CFAP95: variants seen among roughly 807,000 people sequenced by gnomAD.
CFAP95 encodes cilia and flagella associated protein 95.
At chr9:69,842,503 G>A in the CFAP95 span, among the ~76,000 whole-genome samples, 1 of 152,176 alleles carries the variant, frequency 6.6e-6, no homozygotes, top group Non-Finnish European at 1.5e-5. Flanking sequence ...AGATTTTGGA[G>A]CCTGATTAGT....
the CFAP95 span, chr9:69,844,646 C>G: frequency 6.5e-7 from 1 of 1,532,506 alleles, no homozygotes; most frequent in Middle Eastern, 1.7e-4. Context: ...GCTATTACTT[C>G]GTTTGAAGTC....
chr9:69,842,222 C>T, the CFAP95 span, among the ~76,000 whole-genome samples: 3 of 152,110 alleles, frequency 2.0e-5, no homozygotes, highest in African/African-American at 7.2e-5. Context: ...CACCAGTCTA[C>T]CTATGAGTTT....
the CFAP95 span, among the ~76,000 whole-genome samples, chr9:69,839,942 T>A: frequency 6.6e-6 from 1 of 151,572 alleles, no homozygotes; most frequent in East Asian, 2.0e-4. Context: ...CTGGGCACGG[T>A]GGCGTGTGCC....
At chr9:69,834,948 A>G in the CFAP95 span, among the ~76,000 whole-genome samples, 3 of 152,250 alleles carry the variant, frequency 2.0e-5, no homozygotes, top group African/African-American at 7.2e-5. Context: ...GGGCTATGCC[A>G]CCAAATAACA....
chr9:69,903,856 A>G, the CFAP95 span, among the ~76,000 whole-genome samples: 70 of 152,148 alleles, frequency 4.6e-4, no homozygotes, highest in Middle Eastern at 3.4e-3. Flanking sequence ...CATCACGAGT[A>G]GCTGGGACTA....
the CFAP95 span, among the ~76,000 whole-genome samples, chr9:69,834,596 T>C: frequency 6.6e-6 from 1 of 152,252 alleles, no homozygotes; most frequent in African/African-American, 2.4e-5. Flanking sequence ...GTATTCCTTT[T>C]GATTCCTTCC....
chr9:69,850,870 T>C, the CFAP95 span, among the ~76,000 whole-genome samples: 1 of 152,326 alleles, frequency 6.6e-6, no homozygotes, highest in African/African-American at 2.4e-5. Context: ...ATCACCACAA[T>C]GACATCTGGC....
At chr9:69,886,818 C>G in the CFAP95 span, 5 of 1,598,256 alleles carry the variant, frequency 3.1e-6, no homozygotes, top group Non-Finnish European at 4.3e-6. Context: ...ATTCTTTCCT[C>G]ATTGACTTAT....
At chr9:69,847,318 A>T in the CFAP95 span, among the ~76,000 whole-genome samples, 8 of 152,192 alleles carry the variant, frequency 5.3e-5, no homozygotes, top group African/African-American at 1.9e-4. Flanking sequence ...GGCAGGTATC[A>T]TGCATGATCC....
chr9:69,893,377 G>A, the CFAP95 span, among the ~76,000 whole-genome samples: 1 of 152,200 alleles, frequency 6.6e-6, no homozygotes, highest in African/African-American at 2.4e-5. Flanking sequence ...AGAAAGAATG[G>A]CTTGCTGAAA....
At chr9:69,904,257 G>A in the CFAP95 span, among the ~76,000 whole-genome samples, 5 of 152,104 alleles carry the variant, frequency 3.3e-5, no homozygotes, top group African/African-American at 7.2e-5. Flanking sequence ...ACTTTTCTGT[G>A]TCTGTGAATC....
At chr9:69,840,043 C>T in the CFAP95 span, among the ~76,000 whole-genome samples, 1 of 150,154 alleles carries the variant, frequency 6.7e-6, no homozygotes, top group Non-Finnish European at 1.5e-5. Context: ...TACCATTGCA[C>T]TCTAGCCTGG....
At chr9:69,859,654 C>T in the CFAP95 span, among the ~76,000 whole-genome samples, 1 of 152,268 alleles carries the variant, frequency 6.6e-6, no homozygotes, top group Admixed American at 6.5e-5. Context: ...TTCAAAGAAG[C>T]CCTAGTACCA....
At chr9:69,897,447 A>G in the CFAP95 span, among the ~76,000 whole-genome samples, 1 of 152,230 alleles carries the variant, frequency 6.6e-6, no homozygotes. Context: ...CTATGCTTCC[A>G]AATTATCCTG....
At chr9:69,858,252 A>C in the CFAP95 span, 2 of 430,350 alleles carry the variant, frequency 4.6e-6, no homozygotes, top group East Asian at 4.8e-5. Flanking sequence ...ACAAGTCAAT[A>C]CTCGTGGTTC....
At chr9:69,905,903 C>T in the CFAP95 span, 2 of 1,310,398 alleles carry the variant, frequency 1.5e-6, no homozygotes, top group Non-Finnish European at 2.0e-6. Flanking sequence ...AAGATTACTT[C>T]TTTTTACATA....
At chr9:69,863,113 G>A in the CFAP95 span, among the ~76,000 whole-genome samples, 308 of 152,262 alleles carry the variant, frequency 2.0e-3, no homozygotes, top group African/African-American at 6.4e-3. Context: ...TTTGAGTCCC[G>A]ATTGAGCTTG....
the CFAP95 span, among the ~76,000 whole-genome samples, chr9:69,836,060 C>T: frequency 3.9e-5 from 6 of 152,316 alleles, no homozygotes; most frequent in South Asian, 1.2e-3. Flanking sequence ...TTTCAGATAG[C>T]TAAATCTATT....
the CFAP95 span, among the ~76,000 whole-genome samples, chr9:69,873,117 C>T: frequency 6.6e-6 from 1 of 152,122 alleles, no homozygotes; most frequent in East Asian, 1.9e-4. Flanking sequence ...AGGAAACTTA[C>T]AATCAGTAGG....
Sources: allele counts gnomAD v4.1 joint callset (sites outside exome capture counted in the v4.1 genomes callset), GRCh38; gene constraint gnomAD v4.1.1; transcripts MANE v1.5; gene names NCBI Gene and HGNC (gene_info 2026-07-23, HGNC 2026-07-21).